Variants in PYY observed in about 807,000 individuals in gnomAD.
The protein encoded by PYY is peptide tyrosine tyrosine.
PYY carries 12 observed loss-of-function variants against 10.3 expected under a neutral mutation model. The ratio of observed to expected loss-of-function variants is 1.17; its 90% confidence interval spans 0.75 to 1.89. PYY has a LOEUF of 1.89. PYY is among the 40% of genes most tolerant of loss of function. The probability of loss-of-function intolerance (pLI) is 0.00; values close to 1 mark genes in which losing one functional copy is unlikely to be tolerated. For missense variants in PYY, 141 were observed against 134.0 expected (o/e 1.05, Z -0.26); for synonymous variants, 66 against 62.0 (o/e 1.06, Z -0.30).
intron 1 of PYY, among the ~76,000 whole-genome samples, chr17:43,977,052 C>T (rs938682672): frequency 6.6e-6 from 1 of 152,142 alleles, no homozygotes; most frequent in African/African-American, 2.4e-5. Context: ...CAGTGTTTAC[C>T]TCCACCCTCT....
At chr17:43,991,915 T>G (rs1280297845) in intron 1 of PYY, among the ~76,000 whole-genome samples, 1 of 151,156 alleles carries the variant, frequency 6.6e-6, no homozygotes, top group Non-Finnish European at 1.5e-5. Context: ...GGTCAGGAGA[T>G]GGAGACTACC....
intron 1 of PYY, among the ~76,000 whole-genome samples, chr17:43,989,235 G>A (rs542214640): frequency 3.0e-4 from 46 of 151,926 alleles, no homozygotes; most frequent in Admixed American, 2.4e-3. Flanking sequence ...TTAGCCGGGC[G>A]TGGTGGCGGG....
At position 43,993,303 on chromosome 17, in the gene PYY, A is replaced by G. The variant is rs372020831; in HGVS notation, c.-463+11088T>C. Among the ~76,000 whole-genome samples, 157 of 152,254 alleles carry G rather than the reference A, an allele frequency of 1.0e-3. 3 individuals carry two copies. The South Asian group carries it at 0.023, about 23-fold the overall frequency. ...GTGAAACCCCGTCTCTACTAAAAAT[A>G]CAAAAAATTAGCCGGGCGTGGTGGT... On this transcript the variant is annotated intron_variant, in intron 1 of 6. Coordinates refer to the PYY transcript ENST00000360085.
chr17:43,975,714 T>C (rs1346274085), intron 1 of PYY, among the ~76,000 whole-genome samples: 1 of 100,066 alleles, frequency 1.0e-5, no homozygotes, highest in Non-Finnish European at 1.9e-5. Context: ...AGTAAGACCC[T>C]GAAAAAAAAA....
At chr17:43,986,305 G>A (rs2048915634) in intron 1 of PYY, among the ~76,000 whole-genome samples, 1 of 152,122 alleles carries the variant, frequency 6.6e-6, no homozygotes, top group Non-Finnish European at 1.5e-5. Flanking sequence ...GAGCGTCTAG[G>A]TCTTTCTTTC....
intron 1 of PYY, among the ~76,000 whole-genome samples, chr17:43,986,556 G>T (rs1233229023): frequency 6.6e-6 from 1 of 152,190 alleles, no homozygotes; most frequent in Non-Finnish European, 1.5e-5. Context: ...CAGCTCTACA[G>T]CCCACTGATT....
At chr17:43,994,214 T>G (rs1192128385) in intron 1 of PYY, among the ~76,000 whole-genome samples, 1 of 152,072 alleles carries the variant, frequency 6.6e-6, no homozygotes, top group African/African-American at 2.4e-5. Context: ...GCCCCCTCTG[T>G]CTGTTCCCAC....
chr17:43,999,768 CAAA>C (rs199527024), intron 1 of PYY, among the ~76,000 whole-genome samples: 2 of 129,220 alleles, frequency 1.5e-5, no homozygotes. Context: ...AACTCCGTCT[CAAA>C]AAAAAAAAAA....
At chr17:43,980,278 C>G (rs1337269885) in intron 1 of PYY, among the ~76,000 whole-genome samples, 1 of 151,006 alleles carries the variant, frequency 6.6e-6, no homozygotes, top group East Asian at 1.9e-4. Flanking sequence ...ATTCTCTTGC[C>G]TCTGCCTCCC....
upstream of PYY, among the ~76,000 whole-genome samples, chr17:43,954,621 C>T (rs2048660315): frequency 1.3e-5 from 2 of 152,092 alleles, no homozygotes. Context: ...CTGAGTCGGC[C>T]ACCTGTGTAT....
At chr17:43,977,245 A>G (rs1329768066) in intron 1 of PYY, among the ~76,000 whole-genome samples, 2 of 152,162 alleles carry the variant, frequency 1.3e-5, no homozygotes, top group Non-Finnish European at 2.9e-5. Context: ...TAGCAGCTTC[A>G]TTAGTTCCAA....
At chr17:43,967,173 C>T (rs905654814) in intron 1 of PYY, among the ~76,000 whole-genome samples, 1 of 151,986 alleles carries the variant, frequency 6.6e-6, no homozygotes, top group Non-Finnish European at 1.5e-5. Flanking sequence ...CGTGGTGGCA[C>T]GTGCCTATAA....
intron 1 of PYY, among the ~76,000 whole-genome samples, chr17:43,998,187 C>T (rs1250412603): frequency 6.6e-6 from 1 of 151,894 alleles, no homozygotes; most frequent in African/African-American, 2.4e-5. Context: ...CATCTGCCCA[C>T]TTTGGCCTCC....
chr17:43,976,768 T>G (rs2048851752), intron 1 of PYY, among the ~76,000 whole-genome samples: 1 of 152,094 alleles, frequency 6.6e-6, no homozygotes, highest in Non-Finnish European at 1.5e-5. Context: ...CGAGACTCTG[T>G]CTCAAACCAA....
At chr17:43,975,130 G>C (rs1272494802) in intron 1 of PYY, among the ~76,000 whole-genome samples, 3 of 152,168 alleles carry the variant, frequency 2.0e-5, no homozygotes, top group African/African-American at 4.8e-5. Context: ...GACATGAGGA[G>C]TTGCGGCACT....
Position 43,987,795 on chromosome 17 carries a change from G to A in PYY, c.-463+16596C>T, listed in dbSNP as rs192234093. Among the ~76,000 whole-genome samples the A allele has an allele frequency of 1.3e-5, 2 of 152,332 alleles. No homozygotes were observed. Among genetic ancestry groups the A allele is most frequent in the East Asian group, 1.9e-4 (1 of 5,188 alleles). ...CTCTAAGAGCTTACAGTCCAGCAGG[G>A]AACACAGCCCAAAACAAACAGATGA... On this transcript the variant is annotated intron_variant, in intron 1 of 6. Transcript: ENST00000360085. This position sits in a 1 kb window ranked among gnomAD's most constrained non-coding sequence, Gnocchi z 4.0.
intron 2 of PYY, among the ~76,000 whole-genome samples, chr17:43,960,479 G>T (rs1477734975): frequency 1.6e-5 from 2 of 124,128 alleles, no homozygotes; most frequent in Non-Finnish European, 3.2e-5. Flanking sequence ...GGAGGCGGAG[G>T]TTGCAATGAA....
At chr17:43,974,721 C>T (rs9907468) in intron 1 of PYY, among the ~76,000 whole-genome samples, 41,594 of 151,924 alleles carry the variant, frequency 0.27, 9,115 homozygotes, top group East Asian at 0.69. Flanking sequence ...TCTTTTGTTG[C>T]GGGAATTCGG....
intron 1 of PYY, among the ~76,000 whole-genome samples, chr17:43,982,866 G>A (rs981089702): frequency 1.1e-4 from 17 of 152,200 alleles, no homozygotes; most frequent in Non-Finnish European, 1.9e-4. Context: ...CCTTTGGTAA[G>A]GGGTGTTCTA....
Sources: gnomAD v4.1 joint callset for allele counts (sites outside exome capture counted in the v4.1 genomes callset) on GRCh38, gnomAD v4.1.1 for gene constraint, Gnocchi (gnomAD v3.1) non-coding constraint, MANE v1.5 for transcripts, NCBI Gene and HGNC (gene_info 2026-07-23, HGNC 2026-07-21) for gene names.